The following SMYD3 variants were observed in gnomAD, a reference collection of about 807,000 sequenced individuals.
SMYD3 encodes the protein SET and MYND domain containing 3, also known as histone-lysine N-methyltransferase SMYD3.
In SMYD3, 36 loss-of-function variants were observed where a neutral mutation model predicts 57.7. The observed-to-expected ratio is 0.62, with a 90% CI of 0.48 to 0.82. The LOEUF is 0.82. SMYD3 is among the 40% of genes least tolerant of loss of function. The pLI is 0.00. For missense variants in SMYD3, 515 were observed against 538.8 expected (o/e 0.96, Z 0.44); for synonymous variants, 211 against 195.0 (o/e 1.08, Z -0.68).
At chr1:245,871,124 G>A (rs777990354) in intron 8 of SMYD3, among the ~76,000 whole-genome samples, 8 of 152,120 alleles carry the variant, frequency 5.3e-5, no homozygotes, top group Non-Finnish European at 1.2e-4. Flanking sequence ...TGTCTTAAAC[G>A]GAAGAAAGGT....
intron 5 of SMYD3, among the ~76,000 whole-genome samples, chr1:246,212,391 TATTTTA>T (rs2063104184): frequency 6.6e-6 from 1 of 152,086 alleles, no homozygotes; most frequent in Admixed American, 6.5e-5. Flanking sequence ...TATTCAAGAA[TATTTTA>T]TGAAAGGAAA....
At position 246,015,468 on chromosome 1, in the gene SMYD3, A is replaced by T. The variant is rs116355806; in HGVS notation, c.532-85531T>A. Among the ~76,000 whole-genome samples the T allele has an allele frequency of 3.7e-3, 564 of 152,328 alleles. 3 individuals carry two copies. Among genetic ancestry groups the T allele is most frequent in the African/African-American group, 0.013 (532 of 41,572 alleles). Reference sequence around the variant, plus strand: ...AAATATATATAATGTAAAATTTAACATTTTAAGTATTCACTTCAGGGGCTA... The same window carrying T: ...AAATATATATAATGTAAAATTTAACTTTTTAAGTATTCACTTCAGGGGCTA... On this transcript the variant is annotated intron_variant, in intron 5 of 11. Coordinates refer to ENST00000490107, the MANE Select transcript of SMYD3 (RefSeq NM_001167740.2).
chr1:245,921,724 A>C (rs901845651), intron 7 of SMYD3, among the ~76,000 whole-genome samples: 5 of 152,136 alleles, frequency 3.3e-5, no homozygotes, highest in African/African-American at 9.7e-5. Flanking sequence ...AAATTGTGGA[A>C]ACAAATATTT....
chr1:245,976,977 GGCCCAGGGAAAGCCATCGTCTCTA>G (rs1329461259), intron 5 of SMYD3, among the ~76,000 whole-genome samples: 176 of 10,002 alleles, frequency 0.018, 32 homozygotes, highest in East Asian at 0.16. Flanking sequence ...CATCGTCTCC[GGCCCAGGGAAAGCCATCGTCTCTA>G]GCCCAGGGAA....
At chr1:246,069,482 T>C (rs1253195491) in intron 5 of SMYD3, among the ~76,000 whole-genome samples, 1 of 152,216 alleles carries the variant, frequency 6.6e-6, no homozygotes, top group Non-Finnish European at 1.5e-5. Flanking sequence ...TGTATGTGCA[T>C]TTGTTTTTGC....
At position 246,469,995 on chromosome 1, in the gene SMYD3, T is replaced by G. The variant is rs550299053; in HGVS notation, c.164+37059A>C. On this transcript the variant is annotated intron_variant, in intron 1 of 11. Coordinates refer to ENST00000490107, the MANE Select transcript of SMYD3 (RefSeq NM_001167740.2). ...TATCACACATACACTACATAAATACTGTCTTATGTAATACTCTGGCTGGGG... is the reference window on the plus strand; with the variant it reads ...TATCACACATACACTACATAAATACGGTCTTATGTAATACTCTGGCTGGGG... 6.6e-5 allele frequency among the ~76,000 whole-genome samples: 10 copies of G among 152,348 alleles called. 1 individual carries two copies. Among genetic ancestry groups the G allele is most frequent in the African/African-American group, 9.6e-5 (4 of 41,578 alleles).
intron 10 of SMYD3, among the ~76,000 whole-genome samples, chr1:245,798,100 T>TA (rs111383177): frequency 9.7e-4 from 147 of 151,666 alleles, no homozygotes; most frequent in Admixed American, 1.4e-3. Flanking sequence ...TTTTTTTTTT[T>TA]AAAATATGCA....
chr1:246,161,686 A>C (rs553739359), intron 5 of SMYD3, among the ~76,000 whole-genome samples: 43 of 152,358 alleles, frequency 2.8e-4, no homozygotes, highest in African/African-American at 8.9e-4. Context: ...ATGGCTTAAA[A>C]GTATTGTTCT....
intron 5 of SMYD3, among the ~76,000 whole-genome samples, chr1:246,132,234 G>A (rs1440460665): frequency 6.6e-6 from 1 of 151,896 alleles, no homozygotes; most frequent in South Asian, 2.1e-4. Context: ...ATTGGAAGAC[G>A]GGCCTAAACA....
At chr1:246,135,490 T>C (rs1437235843) in intron 5 of SMYD3, among the ~76,000 whole-genome samples, 1 of 152,104 alleles carries the variant, frequency 6.6e-6, no homozygotes, top group African/African-American at 2.4e-5. Flanking sequence ...GTAACATTCC[T>C]GAGTCATCTC....
intron 1 of SMYD3, among the ~76,000 whole-genome samples, chr1:246,420,027 C>T (rs7543647): frequency 0.035 from 5,374 of 152,128 alleles, 336 homozygotes; most frequent in African/African-American, 0.12. Flanking sequence ...GGTGAAACCC[C>T]GTCTCTATTA....
rs576587600 is a variant in SMYD3, at chr1:246,146,415, T to C, written c.531+180786A>G. ...CCTCAGTAGAACACGTACCTGCACA[T>C]GTGAGTTAACGACAAGGGTTTGGGA... is the stretch of plus-strand genomic sequence containing the variant. On this transcript the variant is annotated intron_variant, in intron 5 of 11. Transcript: ENST00000490107. 6.6e-5 allele frequency among the ~76,000 whole-genome samples: 10 copies of C among 152,246 alleles called. 1 individual carries two copies. In the South Asian group the frequency reaches 1.7e-3, roughly 25 times the overall value.
chr1:246,230,034 A>T (rs75235418), intron 5 of SMYD3, among the ~76,000 whole-genome samples: 4,589 of 152,284 alleles, frequency 0.03, 90 homozygotes, highest in African/African-American at 0.037. Flanking sequence ...CACAAACTTC[A>T]CATTATCCAA....
intron 5 of SMYD3, among the ~76,000 whole-genome samples, chr1:246,001,144 T>C (rs562565829): frequency 6.6e-6 from 1 of 152,280 alleles, no homozygotes; most frequent in African/African-American, 2.4e-5. Context: ...CAGAACCATA[T>C]TTAGGATCCT....
At chr1:246,387,139 T>C (rs2066496088) in intron 1 of SMYD3, among the ~76,000 whole-genome samples, 2 of 152,190 alleles carry the variant, frequency 1.3e-5, no homozygotes, top group Admixed American at 6.5e-5. Flanking sequence ...TTCCTTTAAA[T>C]GAAAATAACT....
At chr1:245,798,398 A>T (rs117770962) in intron 10 of SMYD3, among the ~76,000 whole-genome samples, 6 of 15,398 alleles carry the variant, frequency 3.9e-4, no homozygotes, top group Non-Finnish European at 9.1e-4. Flanking sequence ...GCGCACACAC[A>T]CACACACATA....
intron 1 of SMYD3, among the ~76,000 whole-genome samples, chr1:246,394,796 A>G (rs911484764): frequency 1.3e-5 from 2 of 151,572 alleles, no homozygotes; most frequent in Non-Finnish European, 2.9e-5. Context: ...GAATTCAGCT[A>G]TGCTTTATGA....
intron 7 of SMYD3, among the ~76,000 whole-genome samples, chr1:245,923,864 A>G (rs1443291369): frequency 6.6e-6 from 1 of 152,246 alleles, no homozygotes; most frequent in Non-Finnish European, 1.5e-5. Context: ...TCTTTGTATT[A>G]GAGAAGGTTT....
chr1:246,057,203 A>C (rs1271887452), intron 5 of SMYD3, among the ~76,000 whole-genome samples: 1 of 152,274 alleles, frequency 6.6e-6, no homozygotes, highest in Non-Finnish European at 1.5e-5. Flanking sequence ...TGAAGTGCTT[A>C]ACATAGCGTT....
Sources: gnomAD v4.1 joint callset for allele counts (sites outside exome capture counted in the v4.1 genomes callset) on GRCh38, gnomAD v4.1.1 for gene constraint, MANE v1.5 for transcripts, NCBI Gene and HGNC (gene_info 2026-07-23, HGNC 2026-07-21) for gene names.